ELF3: variants seen among roughly 807,000 people sequenced by gnomAD.
ELF3 encodes the protein ETS-related transcription factor Elf-3.
A neutral mutation model predicts 43.9 loss-of-function variants in ELF3; 18 were observed. The observed-to-expected ratio is 0.41, with a 90% CI of 0.28 to 0.61. The LOEUF (loss-of-function observed/expected upper bound fraction) is 0.61. Among genes scored for constraint, ELF3 ranks in the 20% least tolerant of loss-of-function variants. ELF3 has a pLI of 0.30. For synonymous variants in ELF3, 181 were observed against 190.2 expected, an observed-to-expected ratio of 0.95 and a Z score of 0.40; for missense variants, 373 against 487.7, an observed-to-expected ratio of 0.76 and a Z score of 2.21.
rs1684254349 is a variant in ELF3, at chr1:202,013,495, G to A, written c.805+197G>A. Among the ~76,000 whole-genome samples the A allele has an allele frequency of 3.3e-5, 5 of 152,174 alleles. No individual in the cohort carries two copies. The South Asian group carries it at 1.0e-3, about 32-fold the overall frequency. On this transcript the variant is annotated intron_variant, in intron 7 of 8. Coordinates refer to ENST00000367284, the MANE Select transcript of ELF3 (RefSeq NM_004433.5). This position sits in a 1 kb window ranked among gnomAD's most constrained non-coding sequence, Gnocchi z 5.7. ...AGCCTGGCTTGGTGGTCCTGGAGAG[G>A]AGGAGGAAATAAGGCTCCCAGTGGG...
At chr1:202,015,056 A>G (rs1684284771) in intron 8 of ELF3, 153 bp from the exon 9 acceptor site, 1 of 653,460 alleles carries the variant, frequency 1.5e-6, no homozygotes, top group Non-Finnish European at 2.7e-6. Context: ...TGAAGAACAG[A>G]GGAGTTTAGG....
At chr1:202,014,280 G>A (rs111432414) in intron 8 of ELF3, among the ~76,000 whole-genome samples, 1,771 of 152,302 alleles carry the variant, frequency 0.012, 35 homozygotes, top group African/African-American at 0.04. Context: ...TTGTCCTCAG[G>A]AAGGCACCTG....
At position 202,013,297 on chromosome 1, in the gene ELF3, C is replaced by A; in HGVS notation, c.804C>A (p.His268Gln). The A allele has an allele frequency of 1.9e-6, 3 of 1,613,136 alleles. No homozygotes were observed. Among genetic ancestry groups the A allele is most frequent in the South Asian group, 1.1e-5 (1 of 91,048 alleles). ...GTCTCGAGGGCAAGAAGAGCAAGCACGGTGAGCTCCGGGGGCACGTGGGTC... is the reference window on the plus strand; with the variant it reads ...GTCTCGAGGGCAAGAAGAGCAAGCAAGGTGAGCTCCGGGGGCACGTGGGTC... The part of the protein sequence containing the change: ...WDCLEGKKSK[H>Q]APRGTHLWEF... The change falls in exon 7 of 9, where the codon CAC becomes CAA. Residue 268 changes from histidine to glutamine, a missense_variant and splice_region_variant. Physicochemically the swap from His to Gln is conservative, Grantham distance 24 (BLOSUM62 0). Around this residue, in one of 3 missense-constraint regions of ELF3, gnomAD observed 311 missense variants for 351.2 expected, o/e 0.89. Transcript: ENST00000367284. This position sits in a 1 kb window ranked among gnomAD's most constrained non-coding sequence, Gnocchi z 5.7.
chr1:202,012,529 C>T lies in ELF3; in HGVS notation c.478+93C>T. ...TAGAGATGACCCCCTCCCCAGACTT[C>T]TTCCTCCCTCAATTAGAAAAATTGC... On this transcript the variant is annotated intron_variant, in intron 4 of 8. Coordinates refer to ENST00000367284, the MANE Select transcript of ELF3 (RefSeq NM_004433.5). The surrounding 1 kb of genome is among the most constrained non-coding windows in gnomAD (Gnocchi z 4.2). 1 of 1,560,272 alleles carries T rather than the reference C, an allele frequency of 6.4e-7. No homozygotes were observed. The highest frequency in any genetic ancestry group is 1.9e-5 in the Admixed American group (1 of 52,054).
chr1:202,011,845 C>G, intron 2 of ELF3, 112 bp from the exon 3 acceptor site: 1 of 1,079,362 alleles, frequency 9.3e-7, no homozygotes, highest in Admixed American at 2.2e-5. Flanking sequence ...CCATTGCACC[C>G]CAGCCTAGGT....
At position 202,012,049 on chromosome 1, in the gene ELF3, G is replaced by A. The variant is rs556702229; in HGVS notation, c.256G>A (p.Asp86Asn). 1.9e-4 allele frequency: 312 copies of A among 1,614,120 alleles called. No individual in the cohort carries two copies. Among genetic ancestry groups the A allele is most frequent in the Non-Finnish European group, 2.5e-4 (293 of 1,180,056 alleles). Residue 86 changes from aspartate (D) to asparagine (N), a missense_variant, in exon 3 of 9, where the codon GAC (aspartate) becomes AAC (asparagine). Asp to Asn is a conservative substitution (Grantham distance 23, BLOSUM62 1). Transcript: ENST00000367284. The surrounding 1 kb of genome is among the most constrained non-coding windows in gnomAD (Gnocchi z 4.2). ...CTACCAAGTGGAGAAGAACAAGTAC[G>A]ACGCAAGCGCCATTGACTTCTCACG... ...ISYQVEKNKYDASAIDFSRCD... is the reference protein window; with the variant it reads ...ISYQVEKNKYNASAIDFSRCD...
In ELF3 at chr1:202,010,967, AT is replaced by A. The variant is rs60246030; in HGVS notation, c.-8-161del. On this transcript the variant is annotated intron_variant, in intron 1 of 8. Transcript: ENST00000367284. The surrounding 1 kb of genome is among the most constrained non-coding windows in gnomAD (Gnocchi z 4.3). The stretch of plus-strand genomic sequence containing the variant: ...TCCTGTGGTCCTGCCCTGGTCTGAG[AT>A]CTTGGAGCCCTTCTTGAAGAGACGG... 108,598 of 715,864 alleles carry A rather than the reference AT, an allele frequency of 0.15. 9,169 individuals are homozygous for A. The highest frequency in any genetic ancestry group is 0.32 in the East Asian group (10,968 of 34,236). The allele number at this position is 715,864 out of a possible 1,614,324, so 44.3% of individuals were successfully genotyped here.
rs866597977 is a variant in ELF3, at chr1:202,010,691, G to A, written c.-24G>A. On this transcript the variant is annotated 5_prime_UTR_variant, in exon 1 of 9. Coordinates refer to ENST00000367284, the MANE Select transcript of ELF3 (RefSeq NM_004433.5). This position sits in a 1 kb window ranked among gnomAD's most constrained non-coding sequence, Gnocchi z 4.3. Reference sequence around the variant, plus strand: ...GCCTGCCGGCCTGCCTGCCACAGCCGGACTCCGCCACTCCGGTAGGATTCC... The same window carrying A: ...GCCTGCCGGCCTGCCTGCCACAGCCAGACTCCGCCACTCCGGTAGGATTCC... The A allele has an allele frequency of 3.7e-4, 60 of 160,106 alleles. No individual in the cohort carries two copies. The highest frequency in any genetic ancestry group is 6.2e-4 in the Non-Finnish European group (45 of 72,712). 9.9% of individuals were successfully genotyped at this position (160,106 alleles called of 1,614,324 possible).
Position 202,013,778 on chromosome 1 carries a change from T to C in ELF3, c.806-51T>C, listed in dbSNP as rs1400894712. ...TGGGGCGGGCAGGGCTGGCTGGCCT[T>C]GGGTGAGAGGGGACACCTGGATGGC... On this transcript the variant is annotated intron_variant, in intron 7 of 8. Coordinates refer to ENST00000367284, the MANE Select transcript of ELF3 (RefSeq NM_004433.5). This position sits in a 1 kb window ranked among gnomAD's most constrained non-coding sequence, Gnocchi z 5.7. 2 of 1,564,594 alleles carry C rather than the reference T, an allele frequency of 1.3e-6. No individual in the cohort carries two copies. Among genetic ancestry groups the C allele is most frequent in the Middle Eastern group, 1.8e-4 (1 of 5,652 alleles).
rs748393735 is a variant in ELF3 at position 202,012,717 on chromosome 1, G to A, written c.556G>A (p.Ala186Thr). 1.7e-5 allele frequency: 27 copies of A among 1,602,472 alleles called. No individual in the cohort carries two copies. The highest frequency in any genetic ancestry group is 3.3e-5 in the South Asian group (3 of 89,746). Residue 186 changes from alanine to threonine, a missense_variant, in exon 5 of 9, where the codon GCA becomes ACA. Coordinates refer to ENST00000367284, the MANE Select transcript of ELF3 (RefSeq NM_004433.5). The surrounding 1 kb of genome is among the most constrained non-coding windows in gnomAD (Gnocchi z 4.2). ...CCCCTACCACCCCGGCAGCTGTGGC[G>A]CAGGAGCCCCCTCCCCTGGCAGCTC... ...ASPYHPGSCG[A>T]GAPSPGSSDV...
rs58166377 is a variant in ELF3 at position 202,012,104 on chromosome 1, A to G, written c.311A>G (p.Asn104Ser). Residue 104 changes from asparagine to serine, a missense_variant, in exon 3 of 9, where the codon AAT (asparagine) becomes AGT (serine). This residue lies in a region of ELF3 where 311 missense variants were observed against 351.2 expected (regional missense o/e 0.89). Transcript: ENST00000367284. The surrounding 1 kb of genome is among the most constrained non-coding windows in gnomAD (Gnocchi z 4.2). ...RCDMDGATLC[N>S]CALEELRLVF... is the part of the protein sequence containing the mutation. ...GACATGGATGGCGCCACCCTCTGCAATTGTGCCCTTGAGGAGCTGCGTCTG... is the reference window on the plus strand; with the variant it reads ...GACATGGATGGCGCCACCCTCTGCAGTTGTGCCCTTGAGGAGCTGCGTCTG... The G allele has an allele frequency of 9.5e-4, 1,532 of 1,614,142 alleles. 12 individuals carry two copies. In the African/African-American group the frequency reaches 0.016, roughly 17 times the overall value.
At position 202,010,615 on chromosome 1, in the gene ELF3, C is replaced by G; in HGVS notation, c.-100C>G. 1 of 156,814 alleles carries G rather than the reference C, an allele frequency of 6.4e-6. No homozygotes were observed. The highest frequency in any genetic ancestry group is 6.2e-5 in the Admixed American group (1 of 16,234). The allele number at this position is 156,814 out of a possible 1,614,324, so 9.7% of individuals were successfully genotyped here. A position where few individuals can be genotyped will look rare whatever the true frequency, so the allele number is the denominator to read the frequency against. On this transcript the variant is annotated 5_prime_UTR_variant, in exon 1 of 9. Coordinates refer to ENST00000367284, the MANE Select transcript of ELF3 (RefSeq NM_004433.5). The surrounding 1 kb of genome is among the most constrained non-coding windows in gnomAD (Gnocchi z 4.3). ...CTCTATTTAGAGCCGGGTAGGGGAG[C>G]GCAGCGGCCAGATACCTCAGCGCTA...
At position 202,011,157 on chromosome 1, in the gene ELF3, T is replaced by A. The variant is rs1684184150; in HGVS notation, c.21T>A (p.Ile7=). The change falls in exon 2 of 9, where the codon ATT becomes ATA. Residue 7 remains isoleucine, a synonymous_variant. Coordinates refer to ENST00000367284, the MANE Select transcript of ELF3 (RefSeq NM_004433.5). MAATCE[I]SNIFSNYFSA... Reference sequence around the variant, plus strand: ...GCCTCATGGCTGCAACCTGTGAGATTAGCAACATTTTTAGCAACTACTTCA... The same window carrying A: ...GCCTCATGGCTGCAACCTGTGAGATAAGCAACATTTTTAGCAACTACTTCA... The A allele has an allele frequency of 6.2e-7, 1 of 1,614,108 alleles. No individual in the cohort carries two copies. Among genetic ancestry groups the A allele is most frequent in the Non-Finnish European group, 8.5e-7 (1 of 1,179,988 alleles).
chr1:202,012,985 G>C lies in ELF3; in HGVS notation c.637G>C (p.Gly213Arg), dbSNP rs751933012. The change falls in exon 6 of 9, where the codon GGT (glycine) becomes CGT (arginine). Residue 213 changes from glycine to arginine, a missense_variant. Coordinates refer to ENST00000367284, the MANE Select transcript of ELF3 (RefSeq NM_004433.5). The surrounding 1 kb of genome is among the most constrained non-coding windows in gnomAD (Gnocchi z 4.2). ...TCGGAGCTCCCACTCCTCAGACTCC[G>C]GTGGAAGTGACGTGGACCTGGATCC... is the stretch of plus-strand genomic sequence containing the variant. ...ASRSSHSSDS[G>R]GSDVDLDPTD... The C allele has an allele frequency of 1.3e-5, 21 of 1,613,738 alleles. No homozygotes were observed. Among genetic ancestry groups the C allele is most frequent in the Non-Finnish European group, 1.8e-5 (21 of 1,179,810 alleles).
At position 202,013,691 on chromosome 1, in the gene ELF3, A is replaced by G. The variant is rs973913122; in HGVS notation, c.806-138A>G. ...AAAGCAGTCACTGCAGTACCCGCAC[A>G]GAGGGCACTGCGGGGTCTCTGGAGA... On this transcript the variant is annotated intron_variant, in intron 7 of 8. Coordinates refer to ENST00000367284, the MANE Select transcript of ELF3 (RefSeq NM_004433.5). This position sits in a 1 kb window ranked among gnomAD's most constrained non-coding sequence, Gnocchi z 5.7. 1.2e-4 allele frequency: 107 copies of G among 919,938 alleles called. 1 individual carries two copies. In the East Asian group the frequency reaches 2.8e-3, roughly 24 times the overall value. 57.0% of individuals were successfully genotyped at this position (919,938 alleles called of 1,614,324 possible).
chr1:202,012,587 T>C lies in ELF3; in HGVS notation c.479-53T>C, dbSNP rs1684227214. 6.5e-7 allele frequency: 1 copy of C among 1,547,892 alleles called. No individual in the cohort carries two copies. The highest frequency in any genetic ancestry group is 8.7e-7 in the Non-Finnish European group (1 of 1,147,618). On this transcript the variant is annotated intron_variant, in intron 4 of 8. Coordinates refer to ENST00000367284, the MANE Select transcript of ELF3 (RefSeq NM_004433.5). This position sits in a 1 kb window ranked among gnomAD's most constrained non-coding sequence, Gnocchi z 4.2. Reference sequence around the variant, plus strand: ...CATCAGACCCATGGGCAGCATCACCTGTCCTGGTCTGGTCCCCTGAGCCCT... The same window carrying C: ...CATCAGACCCATGGGCAGCATCACCCGTCCTGGTCTGGTCCCCTGAGCCCT...
rs1358936813 is a variant in ELF3, at chr1:202,012,093, C to T, written c.300C>T (p.Ala100=). 2 of 1,614,058 alleles carry T rather than the reference C, an allele frequency of 1.2e-6. No individual in the cohort carries two copies. The highest frequency in any genetic ancestry group is 2.2e-5 in the East Asian group (1 of 44,888). Residue 100 remains alanine (A), a synonymous_variant, in exon 3 of 9, where the codon GCC becomes GCT. Transcript: ENST00000367284. This position sits in a 1 kb window ranked among gnomAD's most constrained non-coding sequence, Gnocchi z 4.2. The stretch of plus-strand genomic sequence containing the variant: ...TCTCACGATGTGACATGGATGGCGC[C>T]ACCCTCTGCAATTGTGCCCTTGAGG... ...IDFSRCDMDG[A]TLCNCALEEL...
At position 202,011,150 on chromosome 1, in the gene ELF3, G is replaced by A. The variant is rs1383641293; in HGVS notation, c.14G>A (p.Cys5Tyr). ...ACAGGTAGCCTCATGGCTGCAACCT[G>A]TGAGATTAGCAACATTTTTAGCAAC... MAAT[C>Y]EISNIFSNYF... The change falls in exon 2 of 9, where the codon TGT becomes TAT. Residue 5 changes from cysteine to tyrosine, a missense_variant. Physicochemically the swap from Cys to Tyr is radical, Grantham distance 194. Coordinates refer to ENST00000367284, the MANE Select transcript of ELF3 (RefSeq NM_004433.5). 3 of 1,614,014 alleles carry A rather than the reference G, an allele frequency of 1.9e-6. No homozygotes were observed. Among genetic ancestry groups the A allele is most frequent in the Non-Finnish European group, 8.5e-7 (1 of 1,179,994 alleles).
In ELF3 at chr1:202,015,239, G is replaced by T. The variant is rs568626371; in HGVS notation, c.1032G>T (p.Arg344=). 6.4e-5 allele frequency: 104 copies of T among 1,614,102 alleles called. No homozygotes were observed. In the East Asian group the frequency reaches 1.4e-3, roughly 22 times the overall value. The change falls in exon 9 of 9, where the codon CGG becomes CGT. Residue 344 remains arginine (R), a synonymous_variant. Coordinates refer to ENST00000367284, the MANE Select transcript of ELF3 (RefSeq NM_004433.5). ...RYYYKREILE[R]VDGRRLVYKF... ...ACTACAAACGGGAGATCCTGGAACG[G>T]GTGGATGGCCGGCGACTCGTCTACA... is the stretch of plus-strand genomic sequence containing the variant.
Sources: allele counts gnomAD v4.1 joint callset (sites outside exome capture counted in the v4.1 genomes callset), GRCh38; gene constraint gnomAD v4.1.1; regional missense constraint gnomAD v4.1.1; non-coding constraint Gnocchi (gnomAD v3.1); transcripts MANE v1.5; gene names NCBI Gene and HGNC (gene_info 2026-07-23, HGNC 2026-07-21).